The following RBMS2 variants were observed in gnomAD, a reference collection of about 807,000 sequenced individuals.
RBMS2 encodes RNA binding motif single stranded interacting protein 2.
In RBMS2, 38 loss-of-function variants were observed where a neutral mutation model predicts 58.4. The ratio of observed to expected loss-of-function variants is 0.65; its 90% CI spans 0.50 to 0.85. The LOEUF (loss-of-function observed/expected upper bound fraction) is 0.85. Among genes scored for constraint, RBMS2 ranks in the 40% least tolerant of loss-of-function variants. The pLI is 0.00. For missense variants in RBMS2, 367 were observed against 503.7 expected (o/e 0.73, Z 2.60); for synonymous variants, 151 against 180.7 (o/e 0.84, Z 1.32).
chr12:56,548,652 A>G (rs778727846), intron 1 of RBMS2, among the ~76,000 whole-genome samples: 13 of 152,202 alleles, frequency 8.5e-5, no homozygotes, highest in Non-Finnish European at 1.6e-4. Context: ...GGCTCCAGGA[A>G]TATGTATTGT....
At chr12:56,558,973 C>T (rs1275056118) in intron 1 of RBMS2, among the ~76,000 whole-genome samples, 2 of 152,104 alleles carry the variant, frequency 1.3e-5, no homozygotes, top group Non-Finnish European at 2.9e-5. Context: ...TCAAGCCAAC[C>T]TCCCACCTCA....
intron 10 of RBMS2, among the ~76,000 whole-genome samples, chr12:56,587,325 C>G (rs1244226029): frequency 2.6e-5 from 4 of 151,672 alleles, no homozygotes; most frequent in African/African-American, 9.7e-5. Flanking sequence ...CTGGCTCAGA[C>G]CCTTGTGCAA....
intron 1 of RBMS2, among the ~76,000 whole-genome samples, chr12:56,526,530 T>A (rs1872668018): frequency 6.6e-6 from 1 of 150,992 alleles, no homozygotes; most frequent in Non-Finnish European, 1.5e-5. Flanking sequence ...TAGTGTTAAA[T>A]TTTTTTTTCC....
At chr12:56,523,491 G>C (rs1298173635) in intron 1 of RBMS2, among the ~76,000 whole-genome samples, 1 of 152,138 alleles carries the variant, frequency 6.6e-6, no homozygotes, top group South Asian at 2.1e-4. Context: ...CTTTAAAAAA[G>C]AAATGAGGCT....
intron 1 of RBMS2, among the ~76,000 whole-genome samples, chr12:56,531,394 C>T (rs971987018): frequency 2.0e-5 from 3 of 151,932 alleles, no homozygotes; most frequent in African/African-American, 2.4e-5. Context: ...CCCTGAAATA[C>T]GGAGTTAGAT....
chr12:56,586,717 A>G, intron 9 of RBMS2, 132 bp from the exon 10 acceptor site: 4 of 739,892 alleles, frequency 5.4e-6, no homozygotes, highest in Non-Finnish European at 9.1e-6. Context: ...AATATTTTAA[A>G]AACAGTTTTT....
At chr12:56,577,991 T>C (rs1405539573) in intron 5 of RBMS2, among the ~76,000 whole-genome samples, 1 of 152,038 alleles carries the variant, frequency 6.6e-6, no homozygotes. Context: ...CCCGGCCTAA[T>C]TTTTTAATTT....
At chr12:56,564,266 T>G (rs1880946341) in intron 2 of RBMS2, among the ~76,000 whole-genome samples, 2 of 151,962 alleles carry the variant, frequency 1.3e-5, no homozygotes, top group African/African-American at 4.8e-5. Context: ...AGAATCTTGA[T>G]TAGACTACCA....
chr12:56,588,150 C>T (rs1884934154), intron 11 of RBMS2, 144 bp from the exon 12 acceptor site: 3 of 667,326 alleles, frequency 4.5e-6, no homozygotes, highest in East Asian at 2.7e-5. Flanking sequence ...ACCTGAAGTG[C>T]TTTTAAGATG....
chr12:56,581,553 T>A, intron 7 of RBMS2, 45 bp downstream of exon 7: 1 of 1,550,404 alleles, frequency 6.4e-7, no homozygotes, highest in Admixed American at 1.7e-5. Flanking sequence ...GACATTAAAG[T>A]GGAACGGAAA....
At chr12:56,576,076 G>A (rs1216032890) in intron 5 of RBMS2, among the ~76,000 whole-genome samples, 2 of 152,064 alleles carry the variant, frequency 1.3e-5, no homozygotes, top group Non-Finnish European at 2.9e-5. Context: ...GGTGGCTCAT[G>A]TCTGTAATCC....
chr12:56,556,616 T>C (rs977847923), intron 1 of RBMS2, among the ~76,000 whole-genome samples: 5 of 152,094 alleles, frequency 3.3e-5, no homozygotes, highest in African/African-American at 1.2e-4. Flanking sequence ...CCTCAGGTGA[T>C]CCACCCGCCT....
chr12:56,594,166 G>C lies in RBMS2; in HGVS notation c.*5033G>C, dbSNP rs551023911. The C allele has an allele frequency of 6.6e-6, 1 of 152,336 alleles. No individual in the cohort carries two copies. Among genetic ancestry groups the C allele is most frequent in the African/African-American group, 2.4e-5 (1 of 41,572 alleles). 9.4% of individuals were successfully genotyped at this position (152,336 alleles called of 1,614,324 possible). A position where few individuals can be genotyped will look rare whatever the true frequency, so the allele number is the denominator to read the frequency against. ...CCTGTCACTCCAATGTCAACCCGTGGGCTGTTACTTTGCGTCATATGATGC... is the reference window on the plus strand; with the variant it reads ...CCTGTCACTCCAATGTCAACCCGTGCGCTGTTACTTTGCGTCATATGATGC... On this transcript the variant is annotated 3_prime_UTR_variant, in exon 14 of 14. Coordinates refer to ENST00000262031, the MANE Select transcript of RBMS2 (RefSeq NM_002898.4).
At chr12:56,551,908 C>G (rs113701354) in intron 1 of RBMS2, among the ~76,000 whole-genome samples, 6,704 of 152,174 alleles carry the variant, frequency 0.044, 510 homozygotes, top group African/African-American at 0.15. Context: ...GCCAACATGG[C>G]AAAACCCAGT....
intron 5 of RBMS2, among the ~76,000 whole-genome samples, chr12:56,579,704 TCTTA>T (rs1286136761): frequency 6.6e-6 from 1 of 151,870 alleles, no homozygotes; most frequent in Non-Finnish European, 1.5e-5. Flanking sequence ...AAAATGTGAG[TCTTA>T]CTTTAAATAT....
chr12:56,581,529 A>G, intron 7 of RBMS2, 21 bp downstream of exon 7: 1 of 1,591,940 alleles, frequency 6.3e-7, no homozygotes, highest in East Asian at 2.2e-5. Flanking sequence ...CTCTGAGGAG[A>G]CAGGAGTACT....
chr12:56,591,457 A>T lies in RBMS2; in HGVS notation c.*2324A>T, dbSNP rs935047341. The T allele has an allele frequency of 9.2e-5, 14 of 152,140 alleles. No individual in the cohort carries two copies. The highest frequency in any genetic ancestry group is 3.4e-4 in the African/African-American group (14 of 41,410). The allele number at this position is 152,140 out of a possible 1,614,324, so 9.4% of individuals were successfully genotyped here. The stretch of plus-strand genomic sequence containing the variant: ...CCGCAGTCTTCTAATTGATGCTTCC[A>T]AACTCAGGAAGGGCTTATCCAGTGT... On this transcript the variant is annotated 3_prime_UTR_variant, in exon 14 of 14. Coordinates refer to ENST00000262031, the MANE Select transcript of RBMS2 (RefSeq NM_002898.4).
At chr12:56,540,072 CT>C (rs933050573) in intron 1 of RBMS2, among the ~76,000 whole-genome samples, 16 of 151,774 alleles carry the variant, frequency 1.1e-4, no homozygotes, top group Admixed American at 2.0e-4. Context: ...TTCTTTTTGT[CT>C]TTTTTTTGGT....
intron 1 of RBMS2, among the ~76,000 whole-genome samples, chr12:56,530,088 T>C (rs1467108225): frequency 6.6e-6 from 1 of 152,128 alleles, no homozygotes; most frequent in Non-Finnish European, 1.5e-5. Flanking sequence ...AAATTTTTTT[T>C]ATAGAGACAG....
Sources: gnomAD v4.1 joint callset for allele counts (sites outside exome capture counted in the v4.1 genomes callset) on GRCh38, gnomAD v4.1.1 for gene constraint, MANE v1.5 for transcripts, NCBI Gene and HGNC (gene_info 2026-07-23, HGNC 2026-07-21) for gene names.